Variants in ANKRD17 observed in about 807,000 individuals in gnomAD.
ANKRD17 encodes the protein ankyrin repeat domain 17, also known as ankyrin repeat domain-containing protein 17.
Under a neutral mutation model 229.7 loss-of-function variants are expected in ANKRD17, and 19 were observed. That is an observed-to-expected ratio of 0.08 (90% CI 0.06 to 0.12). The LOEUF is 0.12. Among genes scored for constraint, ANKRD17 ranks in the 10% least tolerant of loss-of-function variants. The pLI is 1.00. For missense variants in ANKRD17, 2,176 were observed against 3,176.8 expected (o/e 0.68, Z 7.57); for synonymous variants, 1,112 against 1,146.1 (o/e 0.97, Z 0.60).
In ANKRD17 at chr4:73,118,845, G is replaced by C. The variant is rs1265341783; in HGVS notation, c.4031C>G (p.Ala1344Gly). The stretch of plus-strand genomic sequence containing the variant: ...CTTCTTGTTACGTACATCAATATGA[G>C]CTCCCCTAAAAACCAATGACACAGA... ...KFCELLIGRG[A>G]HIDVRNKKGN... Residue 1344 changes from alanine to glycine, a missense_variant, in exon 22 of 34, where the codon GCT becomes GGT. Ala to Gly is a moderately conservative substitution (Grantham distance 60). Around this residue, in one of 18 missense-constraint regions of ANKRD17, gnomAD observed 178 missense variants for 421.7 expected, o/e 0.42. Coordinates refer to ENST00000358602, the MANE Select transcript of ANKRD17 (RefSeq NM_032217.5). The C allele has an allele frequency of 1.3e-6, 2 of 1,592,034 alleles. No individual in the cohort carries two copies. Among genetic ancestry groups the C allele is most frequent in the African/African-American group, 1.4e-5 (1 of 73,100 alleles).
intron 15 of ANKRD17, among the ~76,000 whole-genome samples, chr4:73,138,822 C>T (rs1729240262): frequency 2.6e-5 from 4 of 152,076 alleles, no homozygotes; most frequent in African/African-American, 7.2e-5. Flanking sequence ...TAAAAACAGT[C>T]TTCTAAAGTG....
intron 20 of ANKRD17, 78 bp downstream of exon 20, chr4:73,120,803 T>G: frequency 1.6e-6 from 2 of 1,280,762 alleles, no homozygotes; most frequent in Non-Finnish European, 2.1e-6. Context: ...GAACTAAAAT[T>G]ATAATCAACA....
chr4:73,135,385 T>A, intron 15 of ANKRD17, 120 bp from the exon 16 acceptor site: 1 of 874,798 alleles, frequency 1.1e-6, no homozygotes, highest in Non-Finnish European at 1.6e-6. Context: ...AAGACTACTA[T>A]AGCACTAATA....
chr4:73,152,341 T>A (rs979191023), intron 6 of ANKRD17, among the ~76,000 whole-genome samples: 8 of 152,118 alleles, frequency 5.3e-5, no homozygotes, highest in African/African-American at 1.9e-4. Flanking sequence ...CCGCGTCTTA[T>A]ATTTGTCAAC....
At chr4:73,179,514 ATATATT>A (rs1471807506) in intron 1 of ANKRD17, among the ~76,000 whole-genome samples, 60 of 65,132 alleles carry the variant, frequency 9.2e-4, no homozygotes, top group East Asian at 6.0e-3. Context: ...ATATATATAT[ATATATT>A]TTTTTTTTTT....
In ANKRD17 at chr4:73,258,586, C is replaced by A; in HGVS notation, c.83G>T (p.Gly28Val). ...GSPPAVAAVA[G>V]PPAAAEVGGG... ...GCCGACCTCCGCCGCCGCGGGGGGG[C>A]CCGCCACAGCCGCCACCGCCGGGGG... The change falls in exon 1 of 34, where the codon GGC becomes GTC. Residue 28 changes from glycine (G) to valine (V), a missense_variant. Transcript: ENST00000358602. 1 of 1,469,422 alleles carries A rather than the reference C, an allele frequency of 6.8e-7. No homozygotes were observed. The highest frequency in any genetic ancestry group is 8.9e-7 in the Non-Finnish European group (1 of 1,121,662). 91.0% of individuals were successfully genotyped at this position (1,469,422 alleles called of 1,614,324 possible).
intron 1 of ANKRD17, among the ~76,000 whole-genome samples, chr4:73,214,420 G>C (rs1460930457): frequency 6.6e-6 from 1 of 152,162 alleles, no homozygotes; most frequent in African/African-American, 2.4e-5. Context: ...GGATCTATGA[G>C]AATCTCCAAG....
At chr4:73,247,003 G>A (rs2149272799) in intron 1 of ANKRD17, among the ~76,000 whole-genome samples, 1 of 152,146 alleles carries the variant, frequency 6.6e-6, no homozygotes, top group Middle Eastern at 3.4e-3. Context: ...ATTTTTCCAT[G>A]TTGTGAAAAC....
At chr4:73,144,572 T>C (rs1398504571) in intron 11 of ANKRD17, among the ~76,000 whole-genome samples, 173 bp downstream of exon 11, 2 of 152,202 alleles carry the variant, frequency 1.3e-5, no homozygotes, top group Admixed American at 6.5e-5. Context: ...AGTTTGAAGC[T>C]GGTCTGTGCA....
Position 73,165,128 on chromosome 4 carries a change from GAACT to G in ANKRD17, c.548-3784_548-3781del, listed in dbSNP as rs556399160. Among the ~76,000 whole-genome samples the G allele has an allele frequency of 1.4e-3, 206 of 152,106 alleles. 1 individual carries two copies. Among genetic ancestry groups the G allele is most frequent in the African/African-American group, 4.7e-3 (196 of 41,512 alleles). ...ATGTATAAAGACAAAGTAAACCAGA[GAACT>G]AACTAACTTATAGAACAGAATAAAC... On this transcript the variant is annotated intron_variant, in intron 2 of 33. Coordinates refer to ENST00000358602, the MANE Select transcript of ANKRD17 (RefSeq NM_032217.5).
Position 73,091,604 on chromosome 4 carries a change from G to A in ANKRD17, c.6024C>T (p.Ala2008=), listed in dbSNP as rs1722805087. 6.2e-7 allele frequency: 1 copy of A among 1,614,150 alleles called. No individual in the cohort carries two copies. The highest frequency in any genetic ancestry group is 1.7e-5 in the Admixed American group (1 of 60,022). ...CCGTGGTTGTGACTGTTGTTGTGGTGGCATTGGATGTCTTCACAACTGTGA... is the reference window on the plus strand; with the variant it reads ...CCGTGGTTGTGACTGTTGTTGTGGTAGCATTGGATGTCTTCACAACTGTGA... ...LFVTVVKTSN[A]TTTTVTTTAS... Residue 2008 remains alanine, a synonymous_variant, in exon 29 of 34, where the codon GCC becomes GCT. Coordinates refer to ENST00000358602, the MANE Select transcript of ANKRD17 (RefSeq NM_032217.5).
intron 7 of ANKRD17, among the ~76,000 whole-genome samples, chr4:73,150,682 G>C (rs992506564): frequency 3.9e-5 from 6 of 152,136 alleles, no homozygotes; most frequent in Non-Finnish European, 5.9e-5. Flanking sequence ...ACTCTCTGAA[G>C]GGAAGATGAG....
intron 19 of ANKRD17, 120 bp downstream of exon 19, chr4:73,121,493 CACTT>C: frequency 8.3e-7 from 1 of 1,202,230 alleles, no homozygotes; most frequent in Non-Finnish European, 1.2e-6. Flanking sequence ...AAATCTCTAA[CACTT>C]TGAATGCCAA....
chr4:73,258,195 C>T (rs1386557883), intron 1 of ANKRD17, 81 bp downstream of exon 1: 3 of 1,596,058 alleles, frequency 1.9e-6, no homozygotes, highest in Non-Finnish European at 2.6e-6. Flanking sequence ...GGAATCTGTC[C>T]CACTCCAAAT....
chr4:73,101,891 TAGGG>T (rs925905370), intron 25 of ANKRD17, among the ~76,000 whole-genome samples: 2 of 152,112 alleles, frequency 1.3e-5, no homozygotes, highest in African/African-American at 4.8e-5. Flanking sequence ...ATAATAAAGT[TAGGG>T]AGGAATTCAG....
chr4:73,116,261 A>C (rs998377679), intron 22 of ANKRD17, among the ~76,000 whole-genome samples: 1 of 152,136 alleles, frequency 6.6e-6, no homozygotes, highest in Admixed American at 6.5e-5. Flanking sequence ...TAACTCCCTA[A>C]ATATGAGAGT....
intron 1 of ANKRD17, among the ~76,000 whole-genome samples, chr4:73,198,787 T>G (rs1173349783): frequency 6.6e-6 from 1 of 152,190 alleles, no homozygotes; most frequent in African/African-American, 2.4e-5. Context: ...AAATCAAAGC[T>G]ATCCTTTCCC....
At chr4:73,085,635 GGCC>G (rs1722037898) in intron 29 of ANKRD17, among the ~76,000 whole-genome samples, 189 bp from the exon 30 acceptor site, 3 of 150,916 alleles carry the variant, frequency 2.0e-5, no homozygotes, top group Non-Finnish European at 4.4e-5. Context: ...GACTGCTTAT[GGCC>G]AGGCATTCAA....
chr4:73,206,397 A>G (rs534777358), intron 1 of ANKRD17, among the ~76,000 whole-genome samples: 1 of 150,738 alleles, frequency 6.6e-6, no homozygotes, highest in South Asian at 2.1e-4. Flanking sequence ...ACAATAGAAC[A>G]GAAAGAAAGA....
Sources: gnomAD v4.1 joint callset for allele counts (sites outside exome capture counted in the v4.1 genomes callset) on GRCh38, gnomAD v4.1.1 for gene constraint, gnomAD v4.1.1 regional missense constraint, MANE v1.5 for transcripts, NCBI Gene and HGNC (gene_info 2026-07-23, HGNC 2026-07-21) for gene names.